Variants in ELP4 observed in about 807,000 individuals in gnomAD.
The protein encoded by ELP4 is elongator complex protein 4.
In ELP4, 51 loss-of-function variants were observed where a neutral mutation model predicts 48.9. The ratio of observed to expected loss-of-function variants is 1.04; its 90% CI spans 0.83 to 1.32. The LOEUF (loss-of-function observed/expected upper bound fraction) is 1.32, where lower values mean the gene tolerates loss of function less well. Ranked by LOEUF, ELP4 falls within the 40% of genes most tolerant of loss-of-function variation. The pLI is 0.00. For synonymous variants in ELP4, 210 were observed against 189.2 expected (o/e 1.11, Z -0.90); for missense variants, 519 against 514.6 (o/e 1.01, Z -0.08).
intron 3 of ELP4, among the ~76,000 whole-genome samples, chr11:31,544,973 A>G (rs546578745): frequency 1.6e-3 from 249 of 152,308 alleles, no homozygotes; most frequent in Non-Finnish European, 2.1e-3. Context: ...TAACAAACAG[A>G]AAGGACATCC....
intron 5 of ELP4, among the ~76,000 whole-genome samples, chr11:31,611,134 T>G (rs1188512779): frequency 6.6e-6 from 1 of 152,186 alleles, no homozygotes; most frequent in Non-Finnish European, 1.5e-5. Context: ...CTCCTGTTTT[T>G]CTTCAACATA....
intron 3 of ELP4, among the ~76,000 whole-genome samples, chr11:31,592,252 A>T (rs1035022548): frequency 1.3e-5 from 2 of 152,158 alleles, no homozygotes; most frequent in African/African-American, 4.8e-5. Flanking sequence ...CACTTTAAAA[A>T]ATATATAAAG....
At chr11:31,552,385 C>T (rs1956866886) in intron 3 of ELP4, among the ~76,000 whole-genome samples, 1 of 152,096 alleles carries the variant, frequency 6.6e-6, no homozygotes, top group African/African-American at 2.4e-5. Context: ...GCCTTCTGTA[C>T]ATCTAACTCC....
At chr11:31,728,420 T>C (rs1444839734) in intron 9 of ELP4, among the ~76,000 whole-genome samples, 1 of 152,198 alleles carries the variant, frequency 6.6e-6, no homozygotes, top group East Asian at 1.9e-4. Context: ...TAGATACTAT[T>C]AGAAAGCTTC....
chr11:31,540,942 T>C (rs747860854), intron 3 of ELP4, among the ~76,000 whole-genome samples: 2 of 152,182 alleles, frequency 1.3e-5, no homozygotes, highest in Non-Finnish European at 2.9e-5. Flanking sequence ...AAAGCACACT[T>C]TTTCCCTCAG....
chr11:31,513,887 G>A (rs1956056700), intron 1 of ELP4, among the ~76,000 whole-genome samples: 1 of 151,986 alleles, frequency 6.6e-6, no homozygotes, highest in Admixed American at 6.6e-5. Flanking sequence ...ATCTTTTCTG[G>A]TTTTAAGAAA....
chr11:31,626,451 T>G (rs1000731551), intron 5 of ELP4, among the ~76,000 whole-genome samples: 2 of 151,868 alleles, frequency 1.3e-5, no homozygotes, highest in East Asian at 3.9e-4. Context: ...TCATGCTTAC[T>G]GAAGATTCTT....
rs1948761234 is a variant in ELP4, at chr11:31,787,682, C to CT, written c.*4159dup. ...CAGTGCAGGCTGACACTGAACAAAA[C>CT]TACATGCACACATACAAAAACTGCA... On this transcript the variant is annotated 3_prime_UTR_variant, in exon 10 of 10. Transcript: ENST00000640961. The CT allele has an allele frequency of 8.7e-6, 2 of 230,984 alleles. No homozygotes were observed. The highest frequency in any genetic ancestry group is 4.4e-5 in the African/African-American group (2 of 45,234). 14.3% of individuals were successfully genotyped at this position (230,984 alleles called of 1,614,324 possible).
chr11:31,732,242 T>C (rs1245583903), intron 9 of ELP4, among the ~76,000 whole-genome samples: 1 of 152,106 alleles, frequency 6.6e-6, no homozygotes, highest in Non-Finnish European at 1.5e-5. Flanking sequence ...TATAAAAATA[T>C]GCAAATGGAT....
At chr11:31,612,127 A>G (rs1288533096) in intron 5 of ELP4, among the ~76,000 whole-genome samples, 1 of 152,210 alleles carries the variant, frequency 6.6e-6, no homozygotes, top group Non-Finnish European at 1.5e-5. Context: ...AGAAAGATCA[A>G]TAACTGGAAG....
chr11:31,553,725 A>AACACACAC (rs56921821), intron 3 of ELP4, among the ~76,000 whole-genome samples: 3,492 of 140,456 alleles, frequency 0.025, 57 homozygotes, highest in Middle Eastern at 0.042. Flanking sequence ...TGCACACACA[A>AACACACAC]ACACACACAC....
chr11:31,726,866 G>A (rs1264172824), intron 9 of ELP4, among the ~76,000 whole-genome samples: 1 of 152,046 alleles, frequency 6.6e-6, no homozygotes, highest in African/African-American at 2.4e-5. Flanking sequence ...TTAATACTAT[G>A]TTTTTCTATA....
intron 3 of ELP4, among the ~76,000 whole-genome samples, chr11:31,567,286 A>G (rs981153900): frequency 6.6e-6 from 1 of 152,186 alleles, no homozygotes; most frequent in East Asian, 1.9e-4. Flanking sequence ...ATTCTAAAAC[A>G]TTGACATCCA....
At chr11:31,751,054 C>T (rs764431780) in intron 9 of ELP4, among the ~76,000 whole-genome samples, 5 of 152,182 alleles carry the variant, frequency 3.3e-5, no homozygotes, top group Non-Finnish European at 5.9e-5. Context: ...CCTAGGATAT[C>T]ACCAAGTCCT....
chr11:31,651,279 TATCCA>T (rs1437878224), intron 9 of ELP4: 6 of 151,772 alleles, frequency 4.0e-5, no homozygotes, highest in Non-Finnish European at 8.8e-5. Flanking sequence ...GTAAGGGCCC[TATCCA>T]GTGACAAATT....
chr11:31,740,954 G>A (rs528317890), intron 9 of ELP4, among the ~76,000 whole-genome samples: 77 of 152,346 alleles, frequency 5.1e-4, no homozygotes, highest in African/African-American at 1.7e-3. Flanking sequence ...CGCCTCACCC[G>A]GGAAGTGCAA....
At chr11:31,612,887 A>T (rs973051563) in intron 5 of ELP4, among the ~76,000 whole-genome samples, 2 of 152,168 alleles carry the variant, frequency 1.3e-5, no homozygotes, top group African/African-American at 4.8e-5. Flanking sequence ...TCATTTTCCT[A>T]GGAAGTGGAG....
At chr11:31,600,650 A>C (rs1195915706) in intron 4 of ELP4, 5 of 152,208 alleles carry the variant, frequency 3.3e-5, no homozygotes, top group Non-Finnish European at 7.4e-5. Flanking sequence ...ATTCATTGCC[A>C]GTATTACATT....
intron 9 of ELP4, chr11:31,681,649 T>C (rs1429602720): frequency 6.6e-6 from 1 of 152,486 alleles, no homozygotes; most frequent in Non-Finnish European, 1.5e-5. Flanking sequence ...TGGAAGAAGA[T>C]GGACAGAAGA....
Sources: gnomAD v4.1 joint callset for allele counts (sites outside exome capture counted in the v4.1 genomes callset) on GRCh38, gnomAD v4.1.1 for gene constraint, MANE v1.5 for transcripts, NCBI Gene and HGNC (gene_info 2026-07-23, HGNC 2026-07-21) for gene names.